The following TENM3 variants were observed in gnomAD, a reference collection of about 807,000 sequenced individuals.
TENM3 encodes teneurin-3.
Under a neutral mutation model 255.1 loss-of-function variants are expected in TENM3, and 63 were observed. The ratio of observed to expected loss-of-function variants is 0.25; its 90% CI spans 0.20 to 0.30. The LOEUF is 0.30. TENM3 is among the 10% of genes least tolerant of loss of function. TENM3 has a pLI of 1.00. For synonymous variants in TENM3, 1,306 were observed against 1,322.3 expected (o/e 0.99, Z 0.27); for missense variants, 2,929 against 3,461.1 (o/e 0.85, Z 3.86).
chr4:181,779,117 C>A, the TENM3 span, among the ~76,000 whole-genome samples: 2 of 151,920 alleles, frequency 1.3e-5, no homozygotes, highest in Admixed American at 6.6e-5. Flanking sequence ...GATGGGCCAT[C>A]TGGGGAGAGG....
chr4:181,807,158 T>C, the TENM3 span, among the ~76,000 whole-genome samples: 4 of 152,230 alleles, frequency 2.6e-5, no homozygotes, highest in South Asian at 6.2e-4. Flanking sequence ...TTTGAAAGCA[T>C]GTATCTTTCC....
chr4:182,178,403 C>T (rs1295901433), intron 1 of TENM3, among the ~76,000 whole-genome samples: 5 of 152,130 alleles, frequency 3.3e-5, no homozygotes, highest in Non-Finnish European at 5.9e-5. Flanking sequence ...CACTGTTGCT[C>T]TTCTCTGTGG....
chr4:182,492,231 TTGTGCAAGTGG>T (rs1735367607), intron 3 of TENM3, among the ~76,000 whole-genome samples: 1 of 152,148 alleles, frequency 6.6e-6, no homozygotes, highest in South Asian at 2.1e-4. Flanking sequence ...TATGTTAAAA[TTGTGCAAGTGG>T]TTCAGTAATA....
chr4:182,688,339 C>G lies in TENM3; in HGVS notation c.2209C>G (p.His737Asp). The G allele has an allele frequency of 6.2e-7, 1 of 1,610,518 alleles. No homozygotes were observed. Among genetic ancestry groups the G allele is most frequent in the South Asian group, 1.1e-5 (1 of 90,552 alleles). ...ATGCAGCCAGGGCTGGAATGGAGAGCACTGCACTATCGGTAGGCTTACTGC... is the reference window on the plus strand; with the variant it reads ...ATGCAGCCAGGGCTGGAATGGAGAGGACTGCACTATCGGTAGGCTTACTGC... Reference protein sequence around the residue: ...CECSQGWNGEHCTIEGCPGLC... With the variant: ...CECSQGWNGEDCTIEGCPGLC... The change falls in exon 12 of 28, where the codon CAC becomes GAC. Residue 737 changes from histidine (H) to aspartate (D), a missense_variant. By Grantham distance (81) the His-to-Asp change is moderately conservative. Around this residue, in one of 6 missense-constraint regions of TENM3, gnomAD observed 1,608 missense variants for 1,884.4 expected, o/e 0.85. Transcript: ENST00000511685.
the TENM3 span, among the ~76,000 whole-genome samples, chr4:182,117,120 G>C: frequency 7.9e-5 from 12 of 152,112 alleles, no homozygotes; most frequent in Non-Finnish European, 1.3e-4. Context: ...TTGGCCCAAT[G>C]CTTAATCAAG....
the TENM3 span, among the ~76,000 whole-genome samples, chr4:181,589,652 G>C: frequency 1.3e-5 from 2 of 152,188 alleles, no homozygotes; most frequent in Admixed American, 1.3e-4. Flanking sequence ...GCATACAAAT[G>C]TATGTAATGC....
the TENM3 span, among the ~76,000 whole-genome samples, chr4:181,486,365 A>T: frequency 6.6e-6 from 1 of 152,170 alleles, no homozygotes; most frequent in African/African-American, 2.4e-5. Flanking sequence ...CCCAGTAAGG[A>T]CTCAAACTGG....
At chr4:181,528,397 A>T in the TENM3 span, among the ~76,000 whole-genome samples, 10 of 152,208 alleles carry the variant, frequency 6.6e-5, no homozygotes, top group African/African-American at 2.2e-4. Context: ...GTGCTGTGAC[A>T]CTATAGTCTT....
At chr4:182,580,753 A>T (rs1213694064) in intron 3 of TENM3, among the ~76,000 whole-genome samples, 1 of 152,224 alleles carries the variant, frequency 6.6e-6, no homozygotes, top group Non-Finnish European at 1.5e-5. Context: ...GCTAACCCTG[A>T]TGGGTCAACT....
chr4:182,431,321 C>A (rs994825906), intron 3 of TENM3, among the ~76,000 whole-genome samples: 4 of 151,754 alleles, frequency 2.6e-5, no homozygotes, highest in African/African-American at 9.7e-5. Flanking sequence ...TGGTGAAACC[C>A]CATCTCTACT....
rs113174120 is a variant in TENM3, at chr4:182,295,266, T to C, written c.-75-28680T>C. ...GGTATATGTGCTTTGCTTTTCTTTTTTTTTTTTTTTTTTTTTTTTGAGACG... is the reference window on the plus strand; with the variant it reads ...GGTATATGTGCTTTGCTTTTCTTTTCTTTTTTTTTTTTTTTTTTTGAGACG... On this transcript the variant is annotated intron_variant, in intron 1 of 27. Transcript: ENST00000511685. Among the ~76,000 whole-genome samples the C allele has an allele frequency of 1.5e-3, 191 of 126,448 alleles. 2 individuals carry two copies. The highest frequency in any genetic ancestry group is 9.5e-3 in the South Asian group (36 of 3,784). The allele number at this position is 126,448 out of a possible 152,430, so 83.0% of individuals were successfully genotyped here.
At chr4:181,959,474 A>G in the TENM3 span, among the ~76,000 whole-genome samples, 1 of 152,224 alleles carries the variant, frequency 6.6e-6, no homozygotes, top group Non-Finnish European at 1.5e-5. Context: ...AGAAAAGAGT[A>G]GGGAGGAAGA....
chr4:182,562,627 A>C (rs910990867), intron 3 of TENM3, among the ~76,000 whole-genome samples: 5 of 152,130 alleles, frequency 3.3e-5, no homozygotes, highest in African/African-American at 1.2e-4. Flanking sequence ...TCTCAGTTTC[A>C]TCTGACTGAA....
rs145694383 is a variant in TENM3 at position 182,561,338 on chromosome 4, T to G, written c.512-39586T>G. Among the ~76,000 whole-genome samples, 556 of 151,738 alleles carry G rather than the reference T, an allele frequency of 3.7e-3. 4 individuals carry two copies. The highest frequency in any genetic ancestry group is 0.012 in the African/African-American group (516 of 41,462). On this transcript the variant is annotated intron_variant, in intron 3 of 27. Coordinates refer to ENST00000511685, the MANE Select transcript of TENM3 (RefSeq NM_001080477.4). ...TAATAGCTCTTTACAATTTTTAAAA[T>G]CCCTCCGAATATAGAATAGCATAGG... is the stretch of plus-strand genomic sequence containing the variant.
chr4:182,362,118 T>A (rs1333986645), intron 3 of TENM3, among the ~76,000 whole-genome samples: 1 of 152,176 alleles, frequency 6.6e-6, no homozygotes, highest in East Asian at 1.9e-4. Flanking sequence ...GAGGTGTTAG[T>A]CTGCCCCTAC....
At chr4:182,628,591 C>T (rs1250408740) in intron 4 of TENM3, 60 bp from the exon 5 acceptor site, 18 of 1,136,520 alleles carry the variant, frequency 1.6e-5, no homozygotes, top group Non-Finnish European at 2.2e-5. Context: ...GCATCGCTGT[C>T]TCTTGTCTCT....
At chr4:182,390,724 AC>A (rs1426590471) in intron 3 of TENM3, among the ~76,000 whole-genome samples, 4 of 152,154 alleles carry the variant, frequency 2.6e-5, no homozygotes, top group Admixed American at 6.6e-5. Context: ...ACCCTTCAGC[AC>A]CTTGTCAGTT....
At chr4:181,989,426 C>T in the TENM3 span, among the ~76,000 whole-genome samples, 3 of 151,936 alleles carry the variant, frequency 2.0e-5, no homozygotes, top group Non-Finnish European at 4.4e-5. Flanking sequence ...GAATATAGTA[C>T]CCTAAAGACT....
At chr4:182,190,534 C>T (rs755796172) in intron 1 of TENM3, among the ~76,000 whole-genome samples, 14 of 152,098 alleles carry the variant, frequency 9.2e-5, no homozygotes, top group Non-Finnish European at 1.5e-4. Context: ...GTTTACAGGA[C>T]GACGGAAGCC....
Sources: gnomAD v4.1 joint callset for allele counts (sites outside exome capture counted in the v4.1 genomes callset) on GRCh38, gnomAD v4.1.1 for gene constraint, gnomAD v4.1.1 regional missense constraint, MANE v1.5 for transcripts, NCBI Gene and HGNC (gene_info 2026-07-23, HGNC 2026-07-21) for gene names.